DSCAM: variants seen among roughly 807,000 people sequenced by gnomAD.
The protein encoded by DSCAM is DS cell adhesion molecule, also known as cell adhesion molecule DSCAM.
DSCAM carries 47 observed loss-of-function variants against 217.7 expected under a neutral mutation model. The observed-to-expected ratio is 0.22, with a 90% CI of 0.17 to 0.28. DSCAM has a LOEUF of 0.28. DSCAM is among the 10% of genes least tolerant of loss of function. The pLI is 1.00. For missense variants in DSCAM, 2,080 were observed against 2,618.3 expected (o/e 0.79, Z 4.49); for synonymous variants, 1,056 against 1,015.3 (o/e 1.04, Z -0.76).
chr21:40,504,769 T>A (rs2076197192), intron 3 of DSCAM, among the ~76,000 whole-genome samples: 1 of 152,218 alleles, frequency 6.6e-6, no homozygotes, highest in South Asian at 2.1e-4. Context: ...GGGGTGAAAC[T>A]GCAAGTGCAT....
intron 4 of DSCAM, among the ~76,000 whole-genome samples, chr21:40,366,081 C>A (rs1399202898): frequency 2.6e-5 from 4 of 151,888 alleles, no homozygotes; most frequent in East Asian, 1.9e-4. Context: ...TTTTCTTTAT[C>A]TTTACAGCTC....
chr21:40,312,934 G>C (rs1213339790), intron 8 of DSCAM, among the ~76,000 whole-genome samples: 1 of 151,780 alleles, frequency 6.6e-6, no homozygotes, highest in African/African-American at 2.4e-5. Context: ...GCAACATAAC[G>C]GGACCCCCAT....
At chr21:40,455,653 C>A (rs952823804) in intron 3 of DSCAM, among the ~76,000 whole-genome samples, 1 of 152,128 alleles carries the variant, frequency 6.6e-6, no homozygotes, top group Admixed American at 6.5e-5. Flanking sequence ...CCTGTGATCC[C>A]AGCTACTGGG....
chr21:40,806,113 C>T (rs1443528565), intron 1 of DSCAM, among the ~76,000 whole-genome samples: 2 of 152,198 alleles, frequency 1.3e-5, no homozygotes, highest in African/African-American at 4.8e-5. Flanking sequence ...CTTCTCAGAT[C>T]CTTCAGCACA....
intron 15 of DSCAM, among the ~76,000 whole-genome samples, chr21:40,177,061 A>G (rs1601411585): frequency 7.0e-6 from 1 of 143,280 alleles, no homozygotes. Flanking sequence ...CTTGAGAGAG[A>G]AGGAGAAGAT....
At chr21:40,578,170 A>G (rs926570724) in intron 3 of DSCAM, among the ~76,000 whole-genome samples, 7 of 152,200 alleles carry the variant, frequency 4.6e-5, no homozygotes, top group African/African-American at 1.7e-4. Flanking sequence ...ACACCGTCAC[A>G]GCCTAGAGGT....
intron 1 of DSCAM, among the ~76,000 whole-genome samples, chr21:40,709,559 A>G (rs113293737): frequency 0.082 from 12,519 of 151,952 alleles, 619 homozygotes; most frequent in African/African-American, 0.15. Flanking sequence ...CTCATTGTTC[A>G]ACTCCCACTT....
At chr21:40,163,748 G>A (rs898150543) in intron 16 of DSCAM, among the ~76,000 whole-genome samples, 1 of 152,120 alleles carries the variant, frequency 6.6e-6, no homozygotes, top group Non-Finnish European at 1.5e-5. Context: ...AAACTCATAT[G>A]AAAAGTGGTT....
chr21:40,032,819 A>G (rs2088553108), intron 32 of DSCAM, among the ~76,000 whole-genome samples: 1 of 152,206 alleles, frequency 6.6e-6, no homozygotes, highest in Admixed American at 6.5e-5. Flanking sequence ...CTATCCAGGC[A>G]TAGATCTCAA....
chr21:40,184,708 A>G (rs1415805579), intron 14 of DSCAM, among the ~76,000 whole-genome samples: 1 of 152,206 alleles, frequency 6.6e-6, no homozygotes, highest in East Asian at 1.9e-4. Flanking sequence ...ATAAACATTT[A>G]CAGTATGCTC....
intron 11 of DSCAM, among the ~76,000 whole-genome samples, chr21:40,208,131 C>T (rs1250800139): frequency 6.6e-6 from 1 of 152,088 alleles, no homozygotes; most frequent in African/African-American, 2.4e-5. Context: ...AGTGTATGTT[C>T]CCATCAACAA....
chr21:40,191,814 A>G (rs1302981897), intron 11 of DSCAM, among the ~76,000 whole-genome samples: 1 of 152,088 alleles, frequency 6.6e-6, no homozygotes, highest in Non-Finnish European at 1.5e-5. Context: ...TGGCGGCAAA[A>G]CTTCAGCTTC....
intron 3 of DSCAM, among the ~76,000 whole-genome samples, chr21:40,483,852 T>A (rs982239544): frequency 7.2e-5 from 11 of 152,354 alleles, no homozygotes; most frequent in African/African-American, 2.6e-4. Flanking sequence ...GAATGCTTTC[T>A]ATGACTATGG....
At chr21:40,626,154 C>G (rs936196709) in intron 3 of DSCAM, among the ~76,000 whole-genome samples, 1 of 152,190 alleles carries the variant, frequency 6.6e-6, no homozygotes, top group East Asian at 1.9e-4. Flanking sequence ...AATGCCAAAT[C>G]GCATCACAGG....
chr21:40,374,156 T>C (rs951546528), intron 3 of DSCAM, among the ~76,000 whole-genome samples: 1 of 152,184 alleles, frequency 6.6e-6, no homozygotes, highest in African/African-American at 2.4e-5. Context: ...TATAGACACA[T>C]ACAAAATCAA....
At chr21:40,044,869 GTGT>G (rs1282694531) in intron 30 of DSCAM, among the ~76,000 whole-genome samples, 5 of 152,198 alleles carry the variant, frequency 3.3e-5, no homozygotes, top group Admixed American at 6.5e-5. Context: ...ACATCCTTAG[GTGT>G]TGTTATGCGT....
intron 19 of DSCAM, among the ~76,000 whole-genome samples, chr21:40,129,085 C>G (rs73904704): frequency 2.2e-4 from 33 of 152,270 alleles, no homozygotes; most frequent in African/African-American, 7.7e-4. Context: ...TTTTCACCAT[C>G]ATTTTTCTGG....
chr21:40,191,314 T>G (rs1477302344), intron 11 of DSCAM, among the ~76,000 whole-genome samples: 1 of 152,066 alleles, frequency 6.6e-6, no homozygotes, highest in Non-Finnish European at 1.5e-5. Context: ...GCACTGACCG[T>G]GTAATAAGAT....
Position 40,170,985 on chromosome 21 carries a change from G to A in DSCAM, c.2948-3697C>T, listed in dbSNP as rs555723536. Among the ~76,000 whole-genome samples the A allele has an allele frequency of 1.7e-4, 26 of 152,280 alleles. 1 individual carries two copies. Among genetic ancestry groups the A allele is most frequent in the African/African-American group, 5.8e-4 (24 of 41,542 alleles). On this transcript the variant is annotated intron_variant, in intron 15 of 32. Transcript: ENST00000400454. Reference sequence around the variant, plus strand: ...ATTAAACCAAAGGTGCCAGCATAGTGTTTACAAGAATGTCCCCAATTCTAT... The same window carrying A: ...ATTAAACCAAAGGTGCCAGCATAGTATTTACAAGAATGTCCCCAATTCTAT...
Sources: gnomAD v4.1 joint callset for allele counts (sites outside exome capture counted in the v4.1 genomes callset) on GRCh38, gnomAD v4.1.1 for gene constraint, MANE v1.5 for transcripts, NCBI Gene and HGNC (gene_info 2026-07-23, HGNC 2026-07-21) for gene names.